The following BLK variants were observed in gnomAD, a reference collection of about 807,000 sequenced individuals.
The protein encoded by BLK is tyrosine-protein kinase Blk.
Under a neutral mutation model 61.8 loss-of-function variants are expected in BLK, and 64 were observed. The observed-to-expected ratio is 1.03, with a 90% CI of 0.85 to 1.27. The LOEUF (loss-of-function observed/expected upper bound fraction) is 1.27, where lower values mean the gene tolerates loss of function less well. Among genes scored for constraint, BLK ranks in the 50% most tolerant of loss-of-function variants. The pLI is 0.00. For missense variants in BLK, 853 were observed against 660.5 expected (o/e 1.29, Z -3.19); for synonymous variants, 351 against 272.0 (o/e 1.29, Z -2.86).
chr8:11,564,214 C>G lies in BLK; in HGVS notation c.*106C>G, dbSNP rs1329704145. The G allele has an allele frequency of 7.4e-7, 1 of 1,354,330 alleles. No homozygotes were observed. Among genetic ancestry groups the G allele is most frequent in the Non-Finnish European group, 1.0e-6 (1 of 985,038 alleles). The allele number at this position is 1,354,330 out of a possible 1,614,324, so 83.9% of individuals were successfully genotyped here. ...GGCGGGGTGTCGCCTGTGCCCTTTT[C>G]TCAGACCCGGAATCCAGTGGGCAGA... On this transcript the variant is annotated 3_prime_UTR_variant, in exon 13 of 13. Transcript: ENST00000259089.
intron 1 of BLK, among the ~76,000 whole-genome samples, chr8:11,528,150 C>A (rs1799743623): frequency 6.6e-6 from 1 of 152,170 alleles, no homozygotes; most frequent in Non-Finnish European, 1.5e-5. Flanking sequence ...GATCCTCCCA[C>A]CTCAGCCTCC....
chr8:11,555,290 G>A (rs755112854), intron 7 of BLK, 42 bp from the exon 8 acceptor site: 3 of 1,613,240 alleles, frequency 1.9e-6, no homozygotes, highest in African/African-American at 2.7e-5. Context: ...GAGCCTGGCT[G>A]CTCTGGTAAC....
At position 11,526,800 on chromosome 8, in the gene BLK, C is replaced by A. The variant is rs151108269; in HGVS notation, c.-1-16424C>A. 2.5e-3 allele frequency among the ~76,000 whole-genome samples: 381 copies of A among 152,066 alleles called. 4 individuals are homozygous for A. Among genetic ancestry groups the A allele is most frequent in the African/African-American group, 8.9e-3 (368 of 41,478 alleles). ...TTCATCAGTAGGTTAGTACTCAAAACTTTTTCAGTTGAAAATCAGGCACTA... is the reference window on the plus strand; with the variant it reads ...TTCATCAGTAGGTTAGTACTCAAAAATTTTTCAGTTGAAAATCAGGCACTA... On this transcript the variant is annotated intron_variant, in intron 1 of 12. Transcript: ENST00000259089.
Position 11,539,101 on chromosome 8 carries a change from A to G in BLK, c.-1-4123A>G, listed in dbSNP as rs558306212. ...TTTTTTTTTTGTTTTGTTTTGCCTT[A>G]CACCACACCTCTGTTTTGTACTCTC... On this transcript the variant is annotated intron_variant, in intron 1 of 12. Transcript: ENST00000259089. Among the ~76,000 whole-genome samples, 26 of 151,734 alleles carry G rather than the reference A, an allele frequency of 1.7e-4. 1 individual carries two copies. The South Asian group carries it at 5.4e-3, about 32-fold the overall frequency.
intron 4 of BLK, among the ~76,000 whole-genome samples, 178 bp downstream of exon 4, chr8:11,548,303 T>G (rs1424167180): frequency 6.6e-6 from 1 of 152,174 alleles, no homozygotes; most frequent in Non-Finnish European, 1.5e-5. Context: ...CTCCAAAATC[T>G]TTCCGGTGAA....
At chr8:11,558,748 C>G in intron 10 of BLK, 1 of 456,236 alleles carries the variant, frequency 2.2e-6, no homozygotes, top group Non-Finnish European at 4.4e-6. Flanking sequence ...TCTGGTGGCC[C>G]TGTTAAAACT....
intron 6 of BLK, chr8:11,552,429 T>C (rs778047680): frequency 1.3e-5 from 2 of 152,236 alleles, no homozygotes; most frequent in African/African-American, 4.8e-5. Context: ...TTGGATATTG[T>C]CACTATTTCA....
chr8:11,513,637 G>A (rs1220857569), intron 1 of BLK, among the ~76,000 whole-genome samples: 4 of 152,202 alleles, frequency 2.6e-5, no homozygotes, highest in East Asian at 1.9e-4. Flanking sequence ...GAAGTGACTC[G>A]TACAAGATTG....
chr8:11,559,461 A>G (rs113079101), intron 10 of BLK, among the ~76,000 whole-genome samples: 46 of 151,958 alleles, frequency 3.0e-4, no homozygotes, highest in African/African-American at 1.0e-3. Context: ...ACACAGACTC[A>G]GACTCAAACA....
At chr8:11,556,875 C>A (rs373152504) in intron 9 of BLK, 38 bp downstream of exon 9, 2 of 1,582,286 alleles carry the variant, frequency 1.3e-6, no homozygotes, top group East Asian at 2.4e-5. Flanking sequence ...CAGAGCGAGG[C>A]GGGAGGGCCG....
intron 3 of BLK, among the ~76,000 whole-genome samples, chr8:11,546,870 G>A (rs188476083): frequency 3.3e-5 from 5 of 152,274 alleles, no homozygotes; most frequent in Admixed American, 6.5e-5. Flanking sequence ...GCCACTGTGC[G>A]TGGCCCCTAG....
At chr8:11,561,064 G>A in intron 10 of BLK, 1 of 683,266 alleles carries the variant, frequency 1.5e-6, no homozygotes. Context: ...CGAGAACGAG[G>A]AGGGGGAGGG....
intron 1 of BLK, among the ~76,000 whole-genome samples, chr8:11,526,854 T>C (rs1296162235): frequency 6.6e-6 from 1 of 152,248 alleles, no homozygotes; most frequent in East Asian, 1.9e-4. Context: ...AATTTTGTTC[T>C]GTAGAATTAA....
At chr8:11,538,572 A>G (rs1563105117) in intron 1 of BLK, among the ~76,000 whole-genome samples, 1 of 152,216 alleles carries the variant, frequency 6.6e-6, no homozygotes, top group Non-Finnish European at 1.5e-5. Context: ...TTGAACAACC[A>G]ATGTTCAATT....
chr8:11,548,054 G>A lies in BLK; in HGVS notation c.198G>A (p.Leu66=). 1 of 1,614,108 alleles carries A rather than the reference G, an allele frequency of 6.2e-7. No homozygotes were observed. The highest frequency in any genetic ancestry group is 1.1e-5 in the South Asian group (1 of 91,080). ...TAGACAAGCATTTCGTGGTGGCTCT[G>A]TATGACTACACCGCTATGAATGATC... The part of the protein sequence containing the change: ...LDEDKHFVVA[L]YDYTAMNDRD... The change falls in exon 4 of 13, where the codon CTG becomes CTA. Residue 66 remains leucine (L), a synonymous_variant. Coordinates refer to ENST00000259089, the MANE Select transcript of BLK (RefSeq NM_001715.3).
chr8:11,517,046 T>C (rs940076008), intron 1 of BLK, among the ~76,000 whole-genome samples: 3 of 151,724 alleles, frequency 2.0e-5, no homozygotes, highest in Admixed American at 2.0e-4. Context: ...CACTGGGGAG[T>C]TCTGAGTAGG....
intron 1 of BLK, among the ~76,000 whole-genome samples, chr8:11,507,136 A>G (rs1434684589): frequency 2.0e-5 from 3 of 152,254 alleles, no homozygotes. Context: ...AACATGCAGT[A>G]TAAATGTACA....
intron 1 of BLK, among the ~76,000 whole-genome samples, chr8:11,510,358 C>A (rs1047246182): frequency 6.6e-6 from 1 of 152,158 alleles, no homozygotes; most frequent in Non-Finnish European, 1.5e-5. Flanking sequence ...GCAGACTTTC[C>A]TCTCTGTGAA....
At chr8:11,536,096 G>A (rs1800121303) in intron 1 of BLK, among the ~76,000 whole-genome samples, 1 of 152,212 alleles carries the variant, frequency 6.6e-6, no homozygotes, top group African/African-American at 2.4e-5. Flanking sequence ...TATGAATTGG[G>A]TTCAATGGCT....
Sources: allele counts gnomAD v4.1 joint callset (sites outside exome capture counted in the v4.1 genomes callset), GRCh38; gene constraint gnomAD v4.1.1; transcripts MANE v1.5; gene names NCBI Gene and HGNC (gene_info 2026-07-23, HGNC 2026-07-21).